Variants in ADAP2 observed in about 807,000 individuals in gnomAD.
The protein encoded by ADAP2 is ArfGAP with dual PH domains 2, also known as arf-GAP with dual PH domain-containing protein 2.
In ADAP2, 42 loss-of-function variants were observed where a neutral mutation model predicts 54.9. That is an observed-to-expected ratio of 0.77 (90% CI 0.60 to 0.99). The LOEUF is 0.99. Ranked by LOEUF, ADAP2 falls within the 50% of genes least tolerant of loss-of-function variation. The probability of loss-of-function intolerance (pLI) is 0.00; values close to 1 mark genes in which losing one functional copy is unlikely to be tolerated. For synonymous variants in ADAP2, 177 were observed against 180.1 expected, an observed-to-expected ratio of 0.98 and a Z score of 0.14; for missense variants, 429 against 480.4, an observed-to-expected ratio of 0.89 and a Z score of 1.00.
At chr17:30,932,257 G>A (rs1342831980) in intron 4 of ADAP2, among the ~76,000 whole-genome samples, 10 of 144,682 alleles carry the variant, frequency 6.9e-5, no homozygotes, top group African/African-American at 1.8e-4. Flanking sequence ...TTTTGAGACA[G>A]GGTCTTACTC....
intron 9 of ADAP2, among the ~76,000 whole-genome samples, chr17:30,955,110 C>G (rs1904966881): frequency 7.5e-6 from 1 of 133,584 alleles, no homozygotes; most frequent in Admixed American, 6.7e-5. Context: ...TTAGGTATCA[C>G]TTATTTTTTT....
intron 9 of ADAP2, among the ~76,000 whole-genome samples, 194 bp downstream of exon 9, chr17:30,954,749 C>T (rs1403601646): frequency 6.6e-6 from 1 of 152,198 alleles, no homozygotes; most frequent in African/African-American, 2.4e-5. Flanking sequence ...CTTCTCCTCG[C>T]TTTCAGGAAG....
rs767741371 is a variant in ADAP2 at position 30,926,838 on chromosome 17, C to T, written c.237C>T (p.His79=). 37 of 1,614,052 alleles carry T rather than the reference C, an allele frequency of 2.3e-5. No homozygotes were observed. Among genetic ancestry groups the T allele is most frequent in the Admixed American group, 2.0e-4 (12 of 60,002 alleles). ...CTGTTGTCTTGCAGTTTATGATCCACAATGGAAACCTCCGTGTGAAGGCCA... is the reference window on the plus strand; with the variant it reads ...CTGTTGTCTTGCAGTTTATGATCCATAATGGAAACCTCCGTGTGAAGGCCA... ...WDDSIVEFMI[H]NGNLRVKAKF... is the part of the protein sequence containing the mutation. Residue 79 remains histidine (H), a synonymous_variant, in exon 3 of 11, where the codon CAC becomes CAT. Transcript: ENST00000330889.
At chr17:30,939,891 T>A (rs1912146738) in intron 5 of ADAP2, among the ~76,000 whole-genome samples, 1 of 152,140 alleles carries the variant, frequency 6.6e-6, no homozygotes, top group South Asian at 2.1e-4. Context: ...CACCAGCCAT[T>A]TAGTCCATCC....
In ADAP2 at chr17:30,958,085, G is replaced by A. The variant is rs963268430; in HGVS notation, c.*216G>A. 1 of 600,546 alleles carries A rather than the reference G, an allele frequency of 1.7e-6. No homozygotes were observed. Among genetic ancestry groups the A allele is most frequent in the Non-Finnish European group, 3.0e-6 (1 of 332,678 alleles). The allele number at this position is 600,546 out of a possible 1,614,324, so 37.2% of individuals were successfully genotyped here. A position where few individuals can be genotyped will look rare whatever the true frequency, so the allele number is the denominator to read the frequency against. ...GGATCTGAGGATCTGGTGCATAGAT[G>A]AACATCTATCCCCTCCTCCCCCATA... On this transcript the variant is annotated 3_prime_UTR_variant, in exon 11 of 11. Coordinates refer to ENST00000330889, the MANE Select transcript of ADAP2 (RefSeq NM_018404.3).
chr17:30,945,969 C>T (rs1018608493), intron 6 of ADAP2, among the ~76,000 whole-genome samples: 9 of 150,760 alleles, frequency 6.0e-5, no homozygotes, highest in Non-Finnish European at 1.2e-4. Context: ...CTGTCTAACA[C>T]GGTGAAACCC....
At chr17:30,953,639 C>T (rs896425849) in intron 8 of ADAP2, among the ~76,000 whole-genome samples, 2 of 152,080 alleles carry the variant, frequency 1.3e-5, no homozygotes, top group South Asian at 4.2e-4. Flanking sequence ...CAGATTCAAG[C>T]GATTCTCCTG....
intron 10 of ADAP2, 112 bp from the exon 11 acceptor site, chr17:30,957,723 G>A: frequency 9.6e-7 from 1 of 1,037,130 alleles, no homozygotes; most frequent in Non-Finnish European, 1.5e-6. Context: ...GAGCCACTGT[G>A]CCCGGCCATG....
Position 30,958,102 on chromosome 17 carries a change from T to A in ADAP2, c.*233T>A. Reference sequence around the variant, plus strand: ...GCATAGATGAACATCTATCCCCTCCTCCCCCATACACACCTAGGCTTGAAA... The same window carrying A: ...GCATAGATGAACATCTATCCCCTCCACCCCCATACACACCTAGGCTTGAAA... On this transcript the variant is annotated 3_prime_UTR_variant, in exon 11 of 11. Coordinates refer to ENST00000330889, the MANE Select transcript of ADAP2 (RefSeq NM_018404.3). The A allele has an allele frequency of 1.7e-6, 1 of 571,956 alleles. No individual in the cohort carries two copies. Among genetic ancestry groups the A allele is most frequent in the African/African-American group, 1.9e-5 (1 of 53,046 alleles). The allele number at this position is 571,956 out of a possible 1,614,324, so 35.4% of individuals were successfully genotyped here.
At chr17:30,952,417 C>T (rs2142587597) in intron 7 of ADAP2, among the ~76,000 whole-genome samples, 1 of 152,194 alleles carries the variant, frequency 6.6e-6, no homozygotes, top group African/African-American at 2.4e-5. Flanking sequence ...CCTCTGTCAC[C>T]CAGACTGGAG....
At chr17:30,950,331 A>T (rs6505221) in intron 7 of ADAP2, among the ~76,000 whole-genome samples, 2 of 151,910 alleles carry the variant, frequency 1.3e-5, no homozygotes, top group Non-Finnish European at 2.9e-5. Flanking sequence ...GGCCAGGGAG[A>T]CCCGCATGGT....
chr17:30,936,710 A>G (rs571531551), intron 5 of ADAP2, among the ~76,000 whole-genome samples: 1 of 152,086 alleles, frequency 6.6e-6, no homozygotes, highest in Non-Finnish European at 1.5e-5. Context: ...AGTTCAGGAG[A>G]TGGAGACCAT....
rs893493189 is a variant in ADAP2, at chr17:30,932,046, C to A, written c.397+78C>A. The A allele has an allele frequency of 2.9e-6, 4 of 1,364,922 alleles. No homozygotes were observed. The East Asian group carries it at 9.2e-5, about 32-fold the overall frequency. 84.6% of individuals were successfully genotyped at this position (1,364,922 alleles called of 1,614,324 possible). ...AAACCAAGTGCCTAAATATTAGGAG[C>A]AAGATCCATCCAAGAGATGCCTGCT... On this transcript the variant is annotated intron_variant, in intron 4 of 10. Coordinates refer to ENST00000330889, the MANE Select transcript of ADAP2 (RefSeq NM_018404.3).
intron 3 of ADAP2, among the ~76,000 whole-genome samples, chr17:30,928,446 AC>A (rs1598026867): frequency 6.6e-6 from 1 of 151,540 alleles, no homozygotes; most frequent in Non-Finnish European, 1.5e-5. Flanking sequence ...CAGAGATTGC[AC>A]CACTGCACTC....
rs1905081323 is a variant in ADAP2, at chr17:30,956,457, C to T, written c.1099C>T (p.Leu367Phe). 1.9e-6 allele frequency: 3 copies of T among 1,614,144 alleles called. No homozygotes were observed. Among genetic ancestry groups the T allele is most frequent in the East Asian group, 4.5e-5 (2 of 44,884 alleles). ...TGTCCTGTCCAGCCCCTTGACGCCCCTCAACCGGCTTAGTAAGAAGCAGGA... is the reference window on the plus strand; with the variant it reads ...TGTCCTGTCCAGCCCCTTGACGCCCTTCAACCGGCTTAGTAAGAAGCAGGA... ...RGVLSSPLTPLNRLTASTESG... is the reference protein window; with the variant it reads ...RGVLSSPLTPFNRLTASTESG... Residue 367 changes from leucine (L) to phenylalanine (F), a missense_variant, in exon 10 of 11, where the codon CTC becomes TTC. Coordinates refer to ENST00000330889, the MANE Select transcript of ADAP2 (RefSeq NM_018404.3).
chr17:30,930,782 C>A (rs1911415982), intron 3 of ADAP2, among the ~76,000 whole-genome samples: 1 of 152,166 alleles, frequency 6.6e-6, no homozygotes, highest in Admixed American at 6.5e-5. Context: ...AAAAGGTGAG[C>A]AGGAACCAAA....
chr17:30,958,764 C>T lies in ADAP2; in HGVS notation c.*895C>T, dbSNP rs771067848. 6.6e-6 allele frequency: 1 copy of T among 152,206 alleles called. No individual in the cohort carries two copies. Among genetic ancestry groups the T allele is most frequent in the Non-Finnish European group, 1.5e-5 (1 of 68,118 alleles). 9.4% of individuals were successfully genotyped at this position (152,206 alleles called of 1,614,324 possible). A position where few individuals can be genotyped will look rare whatever the true frequency, so the allele number is the denominator to read the frequency against. ...ATTAGCTGGACATGGTAATGAATGC[C>T]TGTAGTCCCAGCTACTCCGGACACT... is the stretch of plus-strand genomic sequence containing the variant. On this transcript the variant is annotated 3_prime_UTR_variant, in exon 11 of 11. Coordinates refer to ENST00000330889, the MANE Select transcript of ADAP2 (RefSeq NM_018404.3).
chr17:30,922,180 G>A, intron 1 of ADAP2, 72 bp downstream of exon 1: 1 of 1,102,778 alleles, frequency 9.1e-7, no homozygotes, highest in Non-Finnish European at 1.1e-6. Context: ...CCTCCCCTCG[G>A]CCCCACCGGG....
In ADAP2 at chr17:30,926,979, CT is replaced by C. The variant is rs933283032; in HGVS notation, c.317+62del. On this transcript the variant is annotated intron_variant, in intron 3 of 10. Transcript: ENST00000330889. ...TCTGTCCTGGTTCCACCTCCTCCCC[CT>C]CTCCATCTTTGGTGTCTTCATCTGT... 8 of 1,321,964 alleles carry C rather than the reference CT, an allele frequency of 6.1e-6. No homozygotes were observed. In the African/African-American group the frequency reaches 1.2e-4, roughly 19 times the overall value. 81.9% of individuals were successfully genotyped at this position (1,321,964 alleles called of 1,614,324 possible).
Sources: allele counts gnomAD v4.1 joint callset (sites outside exome capture counted in the v4.1 genomes callset), GRCh38; gene constraint gnomAD v4.1.1; transcripts MANE v1.5; gene names NCBI Gene and HGNC (gene_info 2026-07-23, HGNC 2026-07-21).